ZNF704: variants seen among roughly 807,000 people sequenced by gnomAD.
ZNF704 encodes the protein glucocorticoid induced gene 1.
Under a neutral mutation model 44.7 loss-of-function variants are expected in ZNF704, and 10 were observed. That is an observed-to-expected ratio of 0.22 (90% CI 0.14 to 0.38). The LOEUF (loss-of-function observed/expected upper bound fraction) is 0.38, where lower values mean the gene tolerates loss of function less well. Ranked by LOEUF, ZNF704 falls within the 10% of genes least tolerant of loss-of-function variation. The probability of loss-of-function intolerance (pLI) is 1.00; values close to 1 mark genes in which losing one functional copy is unlikely to be tolerated. For synonymous variants in ZNF704, 211 were observed against 207.6 expected (o/e 1.02, Z -0.14); for missense variants, 390 against 545.5 (o/e 0.71, Z 2.84).
chr8:80,667,991 G>T (rs1033301958), intron 5 of ZNF704, among the ~76,000 whole-genome samples: 1 of 152,182 alleles, frequency 6.6e-6, no homozygotes, highest in Non-Finnish European at 1.5e-5. Context: ...GAAAGATGAT[G>T]TTAGAAGGTC....
chr8:80,778,871 AG>A (rs1242562788), intron 2 of ZNF704, among the ~76,000 whole-genome samples: 1 of 152,126 alleles, frequency 6.6e-6, no homozygotes, highest in Non-Finnish European at 1.5e-5. Context: ...GGAGCGTGGA[AG>A]GAGGGAGAGG....
chr8:80,761,513 A>G (rs1807130425), intron 2 of ZNF704, among the ~76,000 whole-genome samples: 1 of 152,174 alleles, frequency 6.6e-6, no homozygotes, highest in Non-Finnish European at 1.5e-5. Context: ...AATCCCTAAC[A>G]TCTAAAATCC....
At chr8:80,672,055 C>A (rs1033422282) in intron 4 of ZNF704, among the ~76,000 whole-genome samples, 1 of 151,910 alleles carries the variant, frequency 6.6e-6, no homozygotes, top group Non-Finnish European at 1.5e-5. Context: ...TATTGAAATA[C>A]AGCTAGAAAA....
At chr8:80,825,430 T>A (rs1318855529) in intron 1 of ZNF704, among the ~76,000 whole-genome samples, 4 of 152,100 alleles carry the variant, frequency 2.6e-5, no homozygotes, top group African/African-American at 9.7e-5. Flanking sequence ...ATAAAGCAAG[T>A]CCTTAGAGAC....
intron 2 of ZNF704, among the ~76,000 whole-genome samples, chr8:80,773,400 C>T (rs944667754): frequency 2.0e-5 from 3 of 152,176 alleles, no homozygotes; most frequent in Non-Finnish European, 4.4e-5. Context: ...ATCTTATGTC[C>T]TTTTAGTCTC....
At chr8:80,713,751 C>T (rs1166981724) in intron 2 of ZNF704, among the ~76,000 whole-genome samples, 2 of 152,198 alleles carry the variant, frequency 1.3e-5, no homozygotes, top group Non-Finnish European at 2.9e-5. Flanking sequence ...ATTATTTCTT[C>T]GCTGTCATCT....
At chr8:80,853,241 C>T (rs1808900425) in intron 1 of ZNF704, among the ~76,000 whole-genome samples, 2 of 152,138 alleles carry the variant, frequency 1.3e-5, no homozygotes, top group Admixed American at 6.5e-5. Flanking sequence ...TGGTGTGTTC[C>T]TGTAATCCCA....
intron 2 of ZNF704, among the ~76,000 whole-genome samples, chr8:80,697,014 C>T (rs1336474912): frequency 6.6e-6 from 1 of 152,324 alleles, no homozygotes; most frequent in East Asian, 1.9e-4. Context: ...CAATCTGTAA[C>T]AGAAGTATTC....
In ZNF704 at chr8:80,874,157, C is replaced by T. The variant is rs980520839; in HGVS notation, c.-22+414G>A. Among the ~76,000 whole-genome samples, 22 of 146,642 alleles carry T rather than the reference C, an allele frequency of 1.5e-4. No homozygotes were observed. The highest frequency in any genetic ancestry group is 2.9e-4 in the Non-Finnish European group (19 of 65,850). The stretch of plus-strand genomic sequence containing the variant: ...GCCGGGGACTCGCGGCCGCAAGGGG[C>T]TGCAGGAGCCGCCGGCCAGGACCCG... On this transcript the variant is annotated intron_variant, in intron 1 of 8. Coordinates refer to ENST00000327835, the MANE Select transcript of ZNF704 (RefSeq NM_001033723.3). The surrounding 1 kb of genome is among the most constrained non-coding windows in gnomAD (Gnocchi z 4.4).
chr8:80,846,511 C>G (rs898774968), intron 1 of ZNF704, among the ~76,000 whole-genome samples: 1 of 151,998 alleles, frequency 6.6e-6, no homozygotes, highest in African/African-American at 2.4e-5. Flanking sequence ...TGGGGAAGGA[C>G]TCTTTAAAGT....
intron 2 of ZNF704, among the ~76,000 whole-genome samples, chr8:80,753,506 A>G (rs1171111542): frequency 6.6e-6 from 1 of 152,054 alleles, no homozygotes; most frequent in Non-Finnish European, 1.5e-5. Flanking sequence ...GCTGAGCCCA[A>G]ACAACAAAAG....
intron 4 of ZNF704, among the ~76,000 whole-genome samples, chr8:80,674,370 G>A (rs185064918): frequency 2.0e-5 from 3 of 152,172 alleles, no homozygotes; most frequent in Non-Finnish European, 4.4e-5. Context: ...CTGATGCTGG[G>A]TATAAAGAAA....
chr8:80,655,944 G>T (rs1450574374), intron 7 of ZNF704, among the ~76,000 whole-genome samples: 1 of 152,150 alleles, frequency 6.6e-6, no homozygotes, highest in East Asian at 1.9e-4. Context: ...GCTTATACTT[G>T]CTTTCCTAGG....
At position 80,839,255 on chromosome 8, in the gene ZNF704, A is replaced by G. The variant is rs189580627; in HGVS notation, c.-21-17640T>C. On this transcript the variant is annotated intron_variant, in intron 1 of 8. Coordinates refer to ENST00000327835, the MANE Select transcript of ZNF704 (RefSeq NM_001033723.3). ...AGTGGTTGCCACAGTCTAACACAAC[A>G]TCTTTAAAGTTTCAGAGCAGATTAG... is the stretch of plus-strand genomic sequence containing the variant. Among the ~76,000 whole-genome samples the G allele has an allele frequency of 9.2e-4, 140 of 152,342 alleles. 1 individual carries two copies. Among genetic ancestry groups the G allele is most frequent in the Admixed American group, 6.9e-3 (105 of 15,308 alleles).
At chr8:80,709,442 CAAAAAAAAAAAAAAA>C (rs780264820) in intron 2 of ZNF704, among the ~76,000 whole-genome samples, 12 of 15,886 alleles carry the variant, frequency 7.6e-4, no homozygotes, top group South Asian at 0.016. Context: ...GACTCCATCT[CAAAAAAAAAAAAAAA>C]AAAAAAAAAA....
intron 1 of ZNF704, 84 bp from the exon 2 acceptor site, chr8:80,821,699 C>T (rs1808274569): frequency 2.1e-6 from 2 of 951,800 alleles, no homozygotes; most frequent in Non-Finnish European, 3.3e-6. Context: ...GGAGAGATTA[C>T]AGACACTGTC....
rs147940608 is a variant in ZNF704 at position 80,752,012 on chromosome 8, G to T, written c.222-58905C>A. On this transcript the variant is annotated intron_variant, in intron 2 of 8. Transcript: ENST00000327835. ...GCCCACCTCCATCTCCAAAAGTGCT[G>T]GGATTACAGGTGTGAGCCACCATGC... Among the ~76,000 whole-genome samples, 365 of 152,238 alleles carry T rather than the reference G, an allele frequency of 2.4e-3. 1 individual carries two copies. The highest frequency in any genetic ancestry group is 8.4e-3 in the African/African-American group (350 of 41,554).
At chr8:80,880,457 A>G in the ZNF704 span, among the ~76,000 whole-genome samples, 8 of 152,368 alleles carry the variant, frequency 5.3e-5, no homozygotes, top group Admixed American at 5.2e-4. Flanking sequence ...GATAAAAGTC[A>G]CATCTAACCT....
chr8:80,799,260 A>C (rs765037750), intron 2 of ZNF704, among the ~76,000 whole-genome samples: 1 of 152,260 alleles, frequency 6.6e-6, no homozygotes, highest in African/African-American at 2.4e-5. Context: ...AAAAGTTACA[A>C]GGAATAATTA....
Sources: gnomAD v4.1 joint callset for allele counts (sites outside exome capture counted in the v4.1 genomes callset) on GRCh38, gnomAD v4.1.1 for gene constraint, Gnocchi (gnomAD v3.1) non-coding constraint, MANE v1.5 for transcripts, NCBI Gene and HGNC (gene_info 2026-07-23, HGNC 2026-07-21) for gene names.